The following ROBO2 variants were observed in gnomAD, a reference collection of about 807,000 sequenced individuals.
ROBO2 encodes the protein roundabout homolog 2.
In ROBO2, 53 loss-of-function variants were observed where a neutral mutation model predicts 160.8. That is an observed-to-expected ratio of 0.33 (90% CI 0.26 to 0.41). The LOEUF is 0.41. Among genes scored for constraint, ROBO2 ranks in the 10% least tolerant of loss-of-function variants. ROBO2 has a pLI of 1.00. For missense variants in ROBO2, 1,577 were observed against 1,722.4 expected (o/e 0.92, Z 1.49); for synonymous variants, 664 against 611.7 (o/e 1.09, Z -1.26).
intron 2 of ROBO2, among the ~76,000 whole-genome samples, chr3:77,256,746 C>T (rs1398444361): frequency 1.3e-5 from 2 of 152,126 alleles, no homozygotes; most frequent in Non-Finnish European, 2.9e-5. Flanking sequence ...CCAAGGCTCT[C>T]GAGGAACACC....
chr3:77,030,807 C>T (rs548901145), intron 2 of ROBO2, among the ~76,000 whole-genome samples: 14 of 152,306 alleles, frequency 9.2e-5, no homozygotes, highest in African/African-American at 3.4e-4. Flanking sequence ...AGTATGAACT[C>T]ATCTTCACTG....
chr3:77,181,453 T>C (rs947753827), intron 2 of ROBO2, among the ~76,000 whole-genome samples: 24 of 152,082 alleles, frequency 1.6e-4, no homozygotes, highest in Admixed American at 5.2e-4. Context: ...TTTATTAAAA[T>C]AGGACTTGCT....
At chr3:76,250,542 C>T (rs1425720234) in intron 2 of ROBO2, among the ~76,000 whole-genome samples, 3 of 151,958 alleles carry the variant, frequency 2.0e-5, no homozygotes, top group Non-Finnish European at 4.4e-5. Context: ...ATAATAGTCT[C>T]CATGGAACCC....
At chr3:76,823,337 C>T (rs573732290) in intron 2 of ROBO2, among the ~76,000 whole-genome samples, 62 of 152,184 alleles carry the variant, frequency 4.1e-4, no homozygotes, top group Non-Finnish European at 7.9e-4. Flanking sequence ...AAACAGCAAA[C>T]TTTAAAAATA....
chr3:76,408,658 GATTA>G (rs2075335345), intron 2 of ROBO2, among the ~76,000 whole-genome samples: 1 of 152,026 alleles, frequency 6.6e-6, no homozygotes, highest in Non-Finnish European at 1.5e-5. Flanking sequence ...GTTTATCACT[GATTA>G]ATTAGAGAAA....
chr3:75,927,233 G>T (rs1368650900), intron 1 of ROBO2, among the ~76,000 whole-genome samples: 1 of 152,116 alleles, frequency 6.6e-6, no homozygotes, highest in East Asian at 1.9e-4. Context: ...AATCTATTTA[G>T]TTCAGTTATA....
chr3:76,272,891 AAAATAT>A (rs1707602519), intron 2 of ROBO2, among the ~76,000 whole-genome samples: 2 of 56,688 alleles, frequency 3.5e-5, no homozygotes, highest in African/African-American at 1.2e-4. Context: ...TTTATATATA[AAAATAT>A]AATATATATT....
At chr3:77,649,267 C>T (rs2095433085) in exon 26 of ROBO2, 1 of 152,174 alleles carries the variant, frequency 6.6e-6, no homozygotes, top group Non-Finnish European at 1.5e-5. Flanking sequence ...TAATGGTGTT[C>T]TATGTCATAG....
chr3:76,302,972 T>A (rs1459037198), intron 2 of ROBO2, among the ~76,000 whole-genome samples: 1 of 152,090 alleles, frequency 6.6e-6, no homozygotes, highest in African/African-American at 2.4e-5. Context: ...TTATAAAAAA[T>A]TTTAAAAATA....
intron 5 of ROBO2, among the ~76,000 whole-genome samples, chr3:77,508,450 T>C (rs1165408218): frequency 6.7e-6 from 1 of 148,282 alleles, no homozygotes; most frequent in Non-Finnish European, 1.5e-5. Flanking sequence ...TGTGATAGTA[T>C]AAGATAAATA....
At chr3:76,098,294 A>T (rs1007261929) in intron 2 of ROBO2, among the ~76,000 whole-genome samples, 6 of 152,182 alleles carry the variant, frequency 3.9e-5, no homozygotes, top group African/African-American at 1.4e-4. Flanking sequence ...TTCTATAGAG[A>T]ACATCATTGG....
intron 2 of ROBO2, among the ~76,000 whole-genome samples, chr3:76,537,313 G>A (rs1205751881): frequency 6.6e-6 from 1 of 152,140 alleles, no homozygotes; most frequent in Non-Finnish European, 1.5e-5. Flanking sequence ...AGTCTTGTAG[G>A]ATGGAGAAAT....
At chr3:77,253,193 C>T (rs1033664061) in intron 2 of ROBO2, among the ~76,000 whole-genome samples, 11 of 151,994 alleles carry the variant, frequency 7.2e-5, no homozygotes, top group Non-Finnish European at 1.0e-4. Flanking sequence ...ATGGTTTCAA[C>T]GTGCAAATTT....
At chr3:76,996,616 C>CT (rs757567473) in intron 2 of ROBO2, among the ~76,000 whole-genome samples, 33 of 104,872 alleles carry the variant, frequency 3.1e-4, no homozygotes, top group Non-Finnish European at 6.0e-4. Context: ...TTTGTATCCT[C>CT]TTTTTTTCAT....
intron 2 of ROBO2, among the ~76,000 whole-genome samples, chr3:77,272,893 A>G (rs188479232): frequency 6.6e-6 from 1 of 152,140 alleles, no homozygotes; most frequent in Non-Finnish European, 1.5e-5. Context: ...ATTTAGATTA[A>G]TCTTCTATTA....
intron 2 of ROBO2, among the ~76,000 whole-genome samples, chr3:76,918,667 G>A (rs1354664833): frequency 6.6e-6 from 1 of 152,058 alleles, no homozygotes. Flanking sequence ...AATCATTAAA[G>A]GTATACTTTC....
chr3:76,185,195 G>T (rs868282481), intron 2 of ROBO2, among the ~76,000 whole-genome samples: 20 of 44,518 alleles, frequency 4.5e-4, no homozygotes, highest in East Asian at 9.9e-4. Flanking sequence ...AGTAAACACA[G>T]ATATATATAT....
chr3:77,297,463 T>G (rs966426765), intron 2 of ROBO2, among the ~76,000 whole-genome samples: 2 of 152,128 alleles, frequency 1.3e-5, no homozygotes, highest in Admixed American at 6.6e-5. Flanking sequence ...TTTGCTTAAG[T>G]GCACTCCCTT....
chr3:77,200,340 A>G, intron 2 of ROBO2, among the ~76,000 whole-genome samples: 1 of 117,086 alleles, frequency 8.5e-6, no homozygotes, highest in East Asian at 2.8e-4. Flanking sequence ...TCTATAGGTA[A>G]AGGGAATAAA....
Sources: allele counts gnomAD v4.1 joint callset (sites outside exome capture counted in the v4.1 genomes callset), GRCh38; gene constraint gnomAD v4.1.1; transcripts MANE v1.5; gene names NCBI Gene and HGNC (gene_info 2026-07-23, HGNC 2026-07-21).